IGF2BP3: variants seen among roughly 807,000 people sequenced by gnomAD.
The protein encoded by IGF2BP3 is insulin-like growth factor 2 mRNA-binding protein 3.
A neutral mutation model predicts 73.8 loss-of-function variants in IGF2BP3; 9 were observed. The observed-to-expected ratio is 0.12, with a 90% CI of 0.07 to 0.21. The LOEUF is 0.21. Among genes scored for constraint, IGF2BP3 ranks in the 10% least tolerant of loss-of-function variants. The pLI, the probability that IGF2BP3 is intolerant of heterozygous loss-of-function variation, is 1.00. For missense variants in IGF2BP3, 542 were observed against 714.0 expected, an observed-to-expected ratio of 0.76 and a Z score of 2.75; for synonymous variants, 258 against 256.7, an observed-to-expected ratio of 1.01 and a Z score of -0.05.
chr7:23,361,488 C>G, intron 5 of IGF2BP3, 46 bp downstream of exon 5: 1 of 1,498,822 alleles, frequency 6.7e-7, no homozygotes, highest in South Asian at 1.2e-5. Flanking sequence ...TGTTACTGTA[C>G]TTAACTTAGT....
Position 23,421,215 on chromosome 7 carries a change from G to C in IGF2BP3, c.237-2391C>G, listed in dbSNP as rs527963040. ...AGTAGAGACGGGGTTTCACCATGTC[G>C]ACCAGGCTGGTCTCAAACTCCTGAC... On this transcript the variant is annotated intron_variant, in intron 2 of 14. Coordinates refer to ENST00000258729, the MANE Select transcript of IGF2BP3 (RefSeq NM_006547.3). Among the ~76,000 whole-genome samples the C allele has an allele frequency of 2.6e-5, 4 of 151,874 alleles. No individual in the cohort carries two copies. The South Asian group carries it at 8.3e-4, about 32-fold the overall frequency.
chr7:23,375,136 T>C (rs1177089481), intron 3 of IGF2BP3, among the ~76,000 whole-genome samples: 1 of 152,250 alleles, frequency 6.6e-6, no homozygotes, highest in East Asian at 1.9e-4. Flanking sequence ...ATCTTATTTA[T>C]GCCTCAGAAT....
intron 3 of IGF2BP3, among the ~76,000 whole-genome samples, chr7:23,370,179 C>T (rs1785502476): frequency 1.3e-5 from 2 of 152,158 alleles, no homozygotes; most frequent in African/African-American, 4.8e-5. Flanking sequence ...TCGTCATCTC[C>T]CTAATACCCA....
intron 3 of IGF2BP3, among the ~76,000 whole-genome samples, chr7:23,367,550 T>C (rs1785414284): frequency 6.6e-6 from 1 of 151,800 alleles, no homozygotes; most frequent in South Asian, 2.1e-4. Flanking sequence ...AAAGGAAACA[T>C]TTCTCTATGC....
At position 23,442,667 on chromosome 7, in the gene IGF2BP3, G is replaced by A. The variant is rs148620976; in HGVS notation, c.237-23843C>T. The stretch of plus-strand genomic sequence containing the variant: ...CCCACCTCAGCCTCCCAAAGGGCTG[G>A]GATTACAGGCTTGAGCTACCGAGCC... On this transcript the variant is annotated intron_variant, in intron 2 of 14. Transcript: ENST00000258729. Among the ~76,000 whole-genome samples the A allele has an allele frequency of 7.9e-3, 1,202 of 151,852 alleles. 14 individuals are homozygous for A. The highest frequency in any genetic ancestry group is 0.028 in the African/African-American group (1,144 of 41,400).
At chr7:23,366,366 G>A (rs1318826755) in intron 3 of IGF2BP3, among the ~76,000 whole-genome samples, 2 of 152,008 alleles carry the variant, frequency 1.3e-5, no homozygotes, top group South Asian at 2.1e-4. Context: ...TCGAACTCCT[G>A]ACCTCAAGTG....
chr7:23,355,522 C>T (rs940567239), intron 5 of IGF2BP3, among the ~76,000 whole-genome samples: 1 of 152,054 alleles, frequency 6.6e-6, no homozygotes, highest in Non-Finnish European at 1.5e-5. Context: ...TGAGCCACAG[C>T]GCCAGACCAG....
chr7:23,388,198 A>G (rs1786149921), intron 3 of IGF2BP3, among the ~76,000 whole-genome samples: 1 of 152,188 alleles, frequency 6.6e-6, no homozygotes, highest in Admixed American at 6.6e-5. Flanking sequence ...CAGCCTCCCA[A>G]CGTGCTGGGA....
rs190901312 is a variant in IGF2BP3, at chr7:23,315,660, T to A, written c.1395+1979A>T. ...TTCATCTTGATACCCTATATTCCAA[T>A]GATCCTTAATGCCTCAGGCCAATGA... is the stretch of plus-strand genomic sequence containing the variant. On this transcript the variant is annotated intron_variant, in intron 12 of 14. Transcript: ENST00000258729. Among the ~76,000 whole-genome samples the A allele has an allele frequency of 6.6e-5, 10 of 152,310 alleles. No individual in the cohort carries two copies. The East Asian group carries it at 1.7e-3, about 26-fold the overall frequency.
At chr7:23,454,417 A>G (rs1004250020) in intron 2 of IGF2BP3, among the ~76,000 whole-genome samples, 1 of 152,222 alleles carries the variant, frequency 6.6e-6, no homozygotes, top group Non-Finnish European at 1.5e-5. Flanking sequence ...TATATGAAAC[A>G]TAAACCATAA....
chr7:23,437,480 T>C (rs981030227), intron 2 of IGF2BP3, among the ~76,000 whole-genome samples: 2 of 118,660 alleles, frequency 1.7e-5, no homozygotes, highest in Non-Finnish European at 3.3e-5. Context: ...CGAGACTTCA[T>C]TTCAAAAATA....
intron 3 of IGF2BP3, among the ~76,000 whole-genome samples, chr7:23,387,450 C>G (rs577348151): frequency 6.6e-6 from 1 of 152,302 alleles, no homozygotes; most frequent in African/African-American, 2.4e-5. Flanking sequence ...CTAAGGAAAT[C>G]TGAGTAACAA....
At chr7:23,361,063 T>G (rs1380191160) in intron 5 of IGF2BP3, among the ~76,000 whole-genome samples, 1 of 152,212 alleles carries the variant, frequency 6.6e-6, no homozygotes, top group Non-Finnish European at 1.5e-5. Context: ...GCAAATTACA[T>G]TAATCCAATG....
chr7:23,353,513 T>G (rs2128505542), intron 5 of IGF2BP3, among the ~76,000 whole-genome samples: 1 of 152,330 alleles, frequency 6.6e-6, no homozygotes, highest in Middle Eastern at 3.4e-3. Flanking sequence ...TCTGGCACCG[T>G]CACCAACCCT....
intron 10 of IGF2BP3, among the ~76,000 whole-genome samples, chr7:23,332,667 A>C (rs1309413797): frequency 6.6e-6 from 1 of 152,234 alleles, no homozygotes; most frequent in Admixed American, 6.5e-5. Flanking sequence ...TCTCTTTGGA[A>C]GATACTATAT....
At chr7:23,366,988 CTTTTTTTTTTT>C (rs397942338) in intron 3 of IGF2BP3, among the ~76,000 whole-genome samples, 11 of 116,154 alleles carry the variant, frequency 9.5e-5, no homozygotes, top group Admixed American at 3.5e-4. Context: ...TCACATTTTG[CTTTTTTTTTTT>C]TTTTTTTTTT....
At chr7:23,387,779 A>AAC (rs1301340667) in intron 3 of IGF2BP3, among the ~76,000 whole-genome samples, 1 of 152,184 alleles carries the variant, frequency 6.6e-6, no homozygotes, top group Non-Finnish European at 1.5e-5. Context: ...AGTTATTATA[A>AAC]ACACACACAC....
In IGF2BP3 at chr7:23,449,562, T is replaced by C. The variant is rs1360255155; in HGVS notation, c.236+18920A>G. Reference sequence around the variant, plus strand: ...TTTTCCTTTTTCTTTTTCTTTTTTTTTTTTTTTTTTTTTTGAGAGAGTCTC... The same window carrying C: ...TTTTCCTTTTTCTTTTTCTTTTTTTCTTTTTTTTTTTTTTGAGAGAGTCTC... On this transcript the variant is annotated intron_variant, in intron 2 of 14. Transcript: ENST00000258729. Among the ~76,000 whole-genome samples, 574 of 137,968 alleles carry C rather than the reference T, an allele frequency of 4.2e-3. 6 individuals carry two copies. The highest frequency in any genetic ancestry group is 0.013 in the African/African-American group (478 of 36,786). 90.5% of individuals were successfully genotyped at this position (137,968 alleles called of 152,430 possible).
intron 3 of IGF2BP3, among the ~76,000 whole-genome samples, chr7:23,412,457 A>G (rs935112583): frequency 1.1e-4 from 16 of 152,346 alleles, no homozygotes; most frequent in African/African-American, 3.8e-4. Context: ...TTAAGTATGT[A>G]TTCCCCATAA....
Sources: allele counts gnomAD v4.1 joint callset (sites outside exome capture counted in the v4.1 genomes callset), GRCh38; gene constraint gnomAD v4.1.1; transcripts MANE v1.5; gene names NCBI Gene and HGNC (gene_info 2026-07-23, HGNC 2026-07-21).